Variants in ANKRD31 observed in about 807,000 individuals in gnomAD.
ANKRD31 encodes ankyrin repeat domain-containing protein 31.
In ANKRD31, 147 loss-of-function variants were observed where a neutral mutation model predicts 186.0. The ratio of observed to expected loss-of-function variants is 0.79; its 90% confidence interval spans 0.69 to 0.91. The LOEUF (loss-of-function observed/expected upper bound fraction) is 0.91, where lower values mean the gene tolerates loss of function less well. ANKRD31 is among the 40% of genes least tolerant of loss of function. ANKRD31 has a pLI of 0.00. For synonymous variants in ANKRD31, 673 were observed against 736.4 expected (o/e 0.91, Z 1.39); for missense variants, 1,986 against 2,148.8 (o/e 0.92, Z 1.50).
intron 10 of ANKRD31, among the ~76,000 whole-genome samples, chr5:75,173,106 C>G (rs536095063): frequency 3.9e-4 from 60 of 152,190 alleles, no homozygotes; most frequent in African/African-American, 1.4e-3. Context: ...TAAATGTAAT[C>G]CATCACATAA....
At chr5:75,091,462 C>A in intron 22 of ANKRD31, 61 bp from the exon 23 acceptor site, 2 of 1,481,186 alleles carry the variant, frequency 1.4e-6, no homozygotes, top group Admixed American at 2.3e-5. Context: ...TGAATTTTTG[C>A]TTCTGGCCAT....
intron 10 of ANKRD31, among the ~76,000 whole-genome samples, chr5:75,180,837 T>A (rs1396220431): frequency 6.6e-6 from 1 of 151,964 alleles, no homozygotes; most frequent in Non-Finnish European, 1.5e-5. Flanking sequence ...GGACTTCATG[T>A]CTAAACACCA....
In ANKRD31 at chr5:75,110,631, C is replaced by A. The variant is rs75620199; in HGVS notation, c.4243+1882G>T. On this transcript the variant is annotated intron_variant, in intron 20 of 25. Coordinates refer to ENST00000506364, the MANE Select transcript of ANKRD31 (RefSeq NM_001372053.1). Reference sequence around the variant, plus strand: ...GGCTGAGGCAGAAGAATGGCTTGAACCTGGGAGGCGGAGGTTCCAGTGAGC... The same window carrying A: ...GGCTGAGGCAGAAGAATGGCTTGAAACTGGGAGGCGGAGGTTCCAGTGAGC... Among the ~76,000 whole-genome samples the A allele has an allele frequency of 2.3e-3, 353 of 151,322 alleles. 8 individuals are homozygous for A. The East Asian group carries it at 0.06, about 26-fold the overall frequency.
chr5:75,192,744 T>C lies in ANKRD31; in HGVS notation c.1331A>G (p.Lys444Arg). The C allele has an allele frequency of 2.0e-6, 3 of 1,535,622 alleles. No homozygotes were observed. Among genetic ancestry groups the C allele is most frequent in the Non-Finnish European group, 2.6e-6 (3 of 1,146,178 alleles). ...MQDPALMIDG[K>R]EKNMHSARFK... ...CCTTGCTGAATGCATATTCTTCTCT[T>C]TACCATCAATCATTAAAGCCGGATC... Residue 444 changes from lysine (K) to arginine (R), a missense_variant, in exon 9 of 26, where the codon AAA (lysine) becomes AGA (arginine). Physicochemically the swap from Lys to Arg is conservative, Grantham distance 26. Transcript: ENST00000506364.
At chr5:75,123,791 A>G (rs1748984699) in intron 17 of ANKRD31, among the ~76,000 whole-genome samples, 2 of 152,238 alleles carry the variant, frequency 1.3e-5, no homozygotes, top group South Asian at 4.1e-4. Flanking sequence ...ATATAGACAA[A>G]TCAAAGACTT....
At chr5:75,094,657 A>T (rs1746175031) in intron 22 of ANKRD31, among the ~76,000 whole-genome samples, 1 of 152,182 alleles carries the variant, frequency 6.6e-6, no homozygotes, top group Non-Finnish European at 1.5e-5. Flanking sequence ...AACAAAAAAT[A>T]AAATAGAAGA....
chr5:75,229,272 T>C (rs942992158), intron 2 of ANKRD31, among the ~76,000 whole-genome samples: 1 of 152,208 alleles, frequency 6.6e-6, no homozygotes, highest in Non-Finnish European at 1.5e-5. Flanking sequence ...AGGATGTGTA[T>C]GCCCTAATTT....
At position 75,138,996 on chromosome 5, in the gene ANKRD31, C is replaced by T. The variant is rs943354625; in HGVS notation, c.3596-13G>A. ...CCTGCTTTCATTCCTGTAAATTTGC[C>T]AAACAAGAGGTTTATTTTCTGCCAA... On this transcript the variant is annotated splice_polypyrimidine_tract_variant and intron_variant, in intron 15 of 25. Coordinates refer to ENST00000506364, the MANE Select transcript of ANKRD31 (RefSeq NM_001372053.1). The T allele has an allele frequency of 6.5e-7, 1 of 1,535,104 alleles. No homozygotes were observed. Among genetic ancestry groups the T allele is most frequent in the African/African-American group, 1.4e-5 (1 of 72,954 alleles).
intron 10 of ANKRD31, among the ~76,000 whole-genome samples, chr5:75,170,829 T>G (rs956115291): frequency 4.6e-5 from 7 of 152,118 alleles, no homozygotes; most frequent in Non-Finnish European, 7.4e-5. Flanking sequence ...GCTAGATGTC[T>G]ATATTAATAT....
At chr5:75,222,208 C>A in intron 3 of ANKRD31, 41 bp downstream of exon 3, 1 of 1,399,680 alleles carries the variant, frequency 7.1e-7, no homozygotes, top group South Asian at 1.4e-5. Flanking sequence ...ATAGCATTTC[C>A]AATTTTTAAT....
At chr5:75,201,203 T>C (rs1326169075) in intron 5 of ANKRD31, among the ~76,000 whole-genome samples, 4 of 152,182 alleles carry the variant, frequency 2.6e-5, no homozygotes, top group African/African-American at 9.6e-5. Context: ...CGCTTCATCT[T>C]TGCAATTTAA....
intron 11 of ANKRD31, among the ~76,000 whole-genome samples, chr5:75,159,882 C>T (rs1483329662): frequency 6.6e-6 from 1 of 151,844 alleles, no homozygotes; most frequent in African/African-American, 2.4e-5. Flanking sequence ...TGGCATAAAA[C>T]AATATGATAT....
At chr5:75,072,145 G>C (rs1744285208) in intron 25 of ANKRD31, among the ~76,000 whole-genome samples, 1 of 152,224 alleles carries the variant, frequency 6.6e-6, no homozygotes, top group South Asian at 2.1e-4. Flanking sequence ...ACTTTTGGCA[G>C]AGGCTATTAG....
At chr5:75,089,820 T>C (rs1745795068) in intron 23 of ANKRD31, among the ~76,000 whole-genome samples, 1 of 152,204 alleles carries the variant, frequency 6.6e-6, no homozygotes, top group Non-Finnish European at 1.5e-5. Context: ...TGCTAAACAG[T>C]GTAACTCTAA....
chr5:75,156,182 G>C (rs1225456038), intron 11 of ANKRD31, among the ~76,000 whole-genome samples: 1 of 152,112 alleles, frequency 6.6e-6, no homozygotes, highest in Non-Finnish European at 1.5e-5. Context: ...TGAGATTACA[G>C]GTGTGAGCCA....
chr5:75,095,006 C>G (rs1369763741), intron 22 of ANKRD31, among the ~76,000 whole-genome samples: 1 of 152,014 alleles, frequency 6.6e-6, no homozygotes, highest in Non-Finnish European at 1.5e-5. Context: ...AACATATATG[C>G]ACTTAAAACA....
intron 20 of ANKRD31, among the ~76,000 whole-genome samples, chr5:75,109,808 T>A (rs1350840761): frequency 1.3e-5 from 2 of 150,576 alleles, no homozygotes; most frequent in Non-Finnish European, 3.0e-5. Flanking sequence ...AGAGTGAGAG[T>A]CTGTGTAGGA....
At chr5:75,187,291 TAAG>T (rs1346743274) in intron 10 of ANKRD31, among the ~76,000 whole-genome samples, 1 of 151,656 alleles carries the variant, frequency 6.6e-6, no homozygotes, top group African/African-American at 2.4e-5. Flanking sequence ...AGATGCAAAG[TAAG>T]AAGGAAAAGT....
rs180878124 is a variant in ANKRD31, at chr5:75,168,936, G to C, written c.1707+43C>G. 2.0e-6 allele frequency: 3 copies of C among 1,465,702 alleles called. No homozygotes were observed. The South Asian group carries it at 4.0e-5, about 20-fold the overall frequency. The allele number at this position is 1,465,702 out of a possible 1,614,324, so 90.8% of individuals were successfully genotyped here. On this transcript the variant is annotated intron_variant, in intron 11 of 25. Coordinates refer to ENST00000506364, the MANE Select transcript of ANKRD31 (RefSeq NM_001372053.1). ...GTGGTCCCAGAGATATTTAATATTT[G>C]CAAAATATAGTATTTGTTCTGCAAA...
Sources: allele counts gnomAD v4.1 joint callset (sites outside exome capture counted in the v4.1 genomes callset), GRCh38; gene constraint gnomAD v4.1.1; transcripts MANE v1.5; gene names NCBI Gene and HGNC (gene_info 2026-07-23, HGNC 2026-07-21).